Variants in NRXN1 observed in about 807,000 individuals in gnomAD.
NRXN1 encodes neurexin-1.
A neutral mutation model predicts 150.9 loss-of-function variants in NRXN1; 39 were observed. The observed-to-expected ratio is 0.26, with a 90% CI of 0.20 to 0.34. The LOEUF (loss-of-function observed/expected upper bound fraction) is 0.34, where lower values mean the gene tolerates loss of function less well. NRXN1 is among the 10% of genes least tolerant of loss of function. The probability of loss-of-function intolerance (pLI) is 1.00; values close to 1 mark genes in which losing one functional copy is unlikely to be tolerated. For missense variants in NRXN1, 1,815 were observed against 1,949.9 expected (o/e 0.93, Z 1.30); for synonymous variants, 924 against 757.0 (o/e 1.22, Z -3.62).
intron 19 of NRXN1, among the ~76,000 whole-genome samples, chr2:50,088,435 T>C (rs374943639): frequency 9.5e-4 from 144 of 152,310 alleles, no homozygotes; most frequent in African/African-American, 3.3e-3. Flanking sequence ...AAATTCTTCA[T>C]ATGTGCTTTA....
intron 21 of NRXN1, among the ~76,000 whole-genome samples, chr2:50,005,808 C>T (rs1684670957): frequency 1.3e-5 from 2 of 152,158 alleles, no homozygotes; most frequent in African/African-American, 4.8e-5. Context: ...ACAATCTTTG[C>T]TCATGCTGAA....
intron 5 of NRXN1, among the ~76,000 whole-genome samples, chr2:50,888,547 T>G (rs1256365945): frequency 6.6e-6 from 1 of 151,550 alleles, no homozygotes; most frequent in Non-Finnish European, 1.5e-5. Context: ...CTCTGTTATC[T>G]TTTCCTCCCT....
At chr2:50,270,057 G>A (rs974141834) in intron 17 of NRXN1, among the ~76,000 whole-genome samples, 1 of 152,156 alleles carries the variant, frequency 6.6e-6, no homozygotes, top group Non-Finnish European at 1.5e-5. Context: ...TCTGACCAAA[G>A]TCTCACAGAA....
chr2:50,454,634 T>C (rs925125947), intron 17 of NRXN1, among the ~76,000 whole-genome samples: 1 of 150,354 alleles, frequency 6.7e-6, no homozygotes, highest in Admixed American at 6.7e-5. Context: ...GTACATATTT[T>C]CTTAAAAGAG....
At chr2:50,317,093 G>A (rs781601641) in intron 17 of NRXN1, among the ~76,000 whole-genome samples, 16 of 151,904 alleles carry the variant, frequency 1.1e-4, no homozygotes, top group African/African-American at 1.7e-4. Context: ...TCTGCTCTGC[G>A]TTTAAAAATG....
chr2:50,791,275 A>G (rs1360139418), intron 5 of NRXN1, among the ~76,000 whole-genome samples: 1 of 148,768 alleles, frequency 6.7e-6, no homozygotes, highest in African/African-American at 2.5e-5. Context: ...TGAGATAGAA[A>G]TAGTCAAAAT....
chr2:50,571,378 A>G (rs1424592209), intron 8 of NRXN1, among the ~76,000 whole-genome samples: 1 of 152,160 alleles, frequency 6.6e-6, no homozygotes, highest in East Asian at 1.9e-4. Flanking sequence ...TGGCTTCTAC[A>G]TTCTTAGACA....
chr2:50,922,563 G>A (rs1686203535), intron 4 of NRXN1, 95 bp downstream of exon 4: 1 of 1,093,424 alleles, frequency 9.1e-7, no homozygotes, highest in Admixed American at 1.9e-5. Flanking sequence ...CATATAATTT[G>A]CAAGCATTTG....
In NRXN1 at chr2:51,028,704, C is replaced by G. The variant is rs1459214506; in HGVS notation, c.-431G>C. ...GCCAGGTTCCACCAGTGGTACCAGGCCAAAAGGAAGCAGTGAGAGTCAGTA... is the reference window on the plus strand; with the variant it reads ...GCCAGGTTCCACCAGTGGTACCAGGGCAAAAGGAAGCAGTGAGAGTCAGTA... On this transcript the variant is annotated 5_prime_UTR_variant, in exon 2 of 23. Transcript: ENST00000401669. The G allele has an allele frequency of 6.1e-6, 1 of 163,178 alleles. No individual in the cohort carries two copies. The highest frequency in any genetic ancestry group is 2.4e-5 in the African/African-American group (1 of 41,932). 10.1% of individuals were successfully genotyped at this position (163,178 alleles called of 1,614,324 possible). A position where few individuals can be genotyped will look rare whatever the true frequency, so the allele number is the denominator to read the frequency against.
At chr2:50,444,814 A>C (rs1395022839) in intron 17 of NRXN1, among the ~76,000 whole-genome samples, 2 of 152,172 alleles carry the variant, frequency 1.3e-5, no homozygotes, top group Non-Finnish European at 2.9e-5. Context: ...GAAATTCAAT[A>C]ATATTGATGC....
intron 21 of NRXN1, among the ~76,000 whole-genome samples, chr2:50,028,674 A>T (rs1011395876): frequency 6.6e-6 from 1 of 152,246 alleles, no homozygotes. Flanking sequence ...GTATGCAACA[A>T]ATGAGCCATC....
intron 17 of NRXN1, among the ~76,000 whole-genome samples, chr2:50,448,336 T>C (rs1011594679): frequency 3.3e-5 from 5 of 152,232 alleles, no homozygotes; most frequent in East Asian, 1.9e-4. Flanking sequence ...AATTAAAGAA[T>C]AGAACGGCAA....
intron 18 of NRXN1, among the ~76,000 whole-genome samples, chr2:50,110,044 T>C (rs1702170240): frequency 6.6e-6 from 1 of 152,200 alleles, no homozygotes; most frequent in African/African-American, 2.4e-5. Context: ...GAAACTTTAT[T>C]ATGCATAATG....
intron 5 of NRXN1, among the ~76,000 whole-genome samples, chr2:50,779,733 A>G (rs1704107030): frequency 6.6e-6 from 1 of 152,124 alleles, no homozygotes; most frequent in Admixed American, 6.6e-5. Flanking sequence ...GCGCCACTGC[A>G]CTCCAGCCTG....
intron 5 of NRXN1, among the ~76,000 whole-genome samples, chr2:50,847,190 A>T (rs2105957177): frequency 6.6e-6 from 1 of 152,306 alleles, no homozygotes; most frequent in East Asian, 1.9e-4. Context: ...GGGAAGGAGA[A>T]GGTCAGAGCA....
chr2:51,029,693 G>A (rs2105344227), intron 1 of NRXN1, among the ~76,000 whole-genome samples: 1 of 152,288 alleles, frequency 6.6e-6, no homozygotes, highest in South Asian at 2.1e-4. Context: ...ATTTTTCTTA[G>A]AAGGAATATT....
intron 5 of NRXN1, among the ~76,000 whole-genome samples, chr2:50,920,705 T>C (rs2104263628): frequency 6.6e-6 from 1 of 151,794 alleles, no homozygotes; most frequent in East Asian, 2.0e-4. Flanking sequence ...ACACAAAACC[T>C]CTAAAATAAT....
At chr2:50,224,722 AGAGAGAGAGAG>A (rs2064206863) in intron 18 of NRXN1, among the ~76,000 whole-genome samples, 1 of 150,378 alleles carries the variant, frequency 6.6e-6, no homozygotes, top group African/African-American at 2.4e-5. Flanking sequence ...AGAGAGAGAG[AGAGAGAGAGAG>A]AATGGTTAAA....
intron 8 of NRXN1, among the ~76,000 whole-genome samples, chr2:50,565,007 A>T (rs1003278777): frequency 1.3e-5 from 2 of 152,196 alleles, no homozygotes; most frequent in Non-Finnish European, 2.9e-5. Context: ...ACGGAAGCTC[A>T]ATCAGCTCCC....
Sources: allele counts gnomAD v4.1 joint callset (sites outside exome capture counted in the v4.1 genomes callset), GRCh38; gene constraint gnomAD v4.1.1; transcripts MANE v1.5; gene names NCBI Gene and HGNC (gene_info 2026-07-23, HGNC 2026-07-21).